PRELID2: variants seen among roughly 807,000 people sequenced by gnomAD.
PRELID2 encodes PRELI domain containing 2, also known as PRELI domain-containing protein 2.
Under a neutral mutation model 28.4 loss-of-function variants are expected in PRELID2, and 25 were observed. The observed-to-expected ratio is 0.88, with a 90% CI of 0.64 to 1.23. The LOEUF is 1.23. Among genes scored for constraint, PRELID2 ranks in the 50% most tolerant of loss-of-function variants. The pLI is 0.00. For missense variants in PRELID2, 201 were observed against 214.4 expected, an observed-to-expected ratio of 0.94 and a Z score of 0.39; for synonymous variants, 76 against 71.6, an observed-to-expected ratio of 1.06 and a Z score of -0.31.
At chr5:145,386,448 T>G in the PRELID2 span, among the ~76,000 whole-genome samples, 1 of 152,006 alleles carries the variant, frequency 6.6e-6, no homozygotes, top group African/African-American at 2.4e-5. Context: ...GATCTGATGG[T>G]TTCATAGGCA....
At chr5:145,421,943 C>A in the PRELID2 span, among the ~76,000 whole-genome samples, 2 of 151,978 alleles carry the variant, frequency 1.3e-5, no homozygotes, top group African/African-American at 4.8e-5. Flanking sequence ...TCTTTGTTCT[C>A]CTTCGTTTCA....
chr5:145,764,228 T>C (rs935537833), intron 6 of PRELID2, among the ~76,000 whole-genome samples: 1 of 152,228 alleles, frequency 6.6e-6, no homozygotes, highest in African/African-American at 2.4e-5. Context: ...CCATTCTCCC[T>C]GATCCAGACA....
rs996762019 is a variant in PRELID2, at chr5:145,614,137, G to A, written n.71-140822C>T. On this transcript the variant is annotated intron_variant and non_coding_transcript_variant, in intron 1 of 2. Coordinates refer to the PRELID2 transcript ENST00000510259. ...GAAGATCAGTTGGCTGTAAGTATTT[G>A]GGTTTATTTCTGGGTTCTCTATTCT... is the stretch of plus-strand genomic sequence containing the variant. Among the ~76,000 whole-genome samples the A allele has an allele frequency of 2.0e-5, 3 of 152,236 alleles. No homozygotes were observed. The South Asian group carries it at 6.2e-4, about 32-fold the overall frequency.
rs550369096 is a variant in PRELID2, at chr5:145,659,361, C to A, written n.70+105570G>T. Among the ~76,000 whole-genome samples the A allele has an allele frequency of 2.0e-5, 3 of 152,288 alleles. No individual in the cohort carries two copies. The East Asian group carries it at 5.8e-4, about 29-fold the overall frequency. On this transcript the variant is annotated intron_variant and non_coding_transcript_variant, in intron 1 of 2. Coordinates refer to the PRELID2 transcript ENST00000510259. ...TTGTCCCCATTTTCCCCTTTTATAC[C>A]CTATGTGTACATTTATTTCACCGTA...
intron 1 of PRELID2, among the ~76,000 whole-genome samples, chr5:145,482,457 A>G (rs1373382597): frequency 6.6e-6 from 1 of 152,174 alleles, no homozygotes; most frequent in Admixed American, 6.5e-5. Flanking sequence ...AGGATACATG[A>G]TATAATAATA....
At chr5:145,498,739 T>G (rs1752329754) in intron 1 of PRELID2, among the ~76,000 whole-genome samples, 1 of 151,980 alleles carries the variant, frequency 6.6e-6, no homozygotes, top group Non-Finnish European at 1.5e-5. Context: ...GTATTTTTAG[T>G]AGAGATAAGG....
chr5:145,810,988 AGGAAAGCGGTTTAAT>A (rs1192482347), intron 4 of PRELID2, among the ~76,000 whole-genome samples: 1 of 150,156 alleles, frequency 6.7e-6, no homozygotes, highest in Non-Finnish European at 1.5e-5. Context: ...TAATTTATAA[AGGAAAGCGGTTTAAT>A]GGACTCACAG....
At chr5:145,374,770 T>C in the PRELID2 span, among the ~76,000 whole-genome samples, 1 of 152,156 alleles carries the variant, frequency 6.6e-6, no homozygotes, top group African/African-American at 2.4e-5. Context: ...ACTTAGTCAA[T>C]TTGGCTTTTG....
the PRELID2 span, chr5:145,381,536 C>T: frequency 1.2e-4 from 19 of 152,136 alleles, no homozygotes; most frequent in African/African-American, 4.3e-4. Context: ...CAGTGGAAAT[C>T]AACAGCCAAA....
At chr5:145,711,106 C>T (rs545695833) in intron 1 of PRELID2, among the ~76,000 whole-genome samples, 1 of 152,218 alleles carries the variant, frequency 6.6e-6, no homozygotes, top group East Asian at 1.9e-4. Flanking sequence ...AGGATCAATA[C>T]CTGCCATCTG....
the PRELID2 span, among the ~76,000 whole-genome samples, chr5:145,374,822 C>G: frequency 6.6e-6 from 1 of 152,262 alleles, no homozygotes; most frequent in East Asian, 1.9e-4. Context: ...CTGTGTTTTT[C>G]AGCTCCATCA....
chr5:145,426,686 G>A, the PRELID2 span, among the ~76,000 whole-genome samples: 1 of 151,950 alleles, frequency 6.6e-6, no homozygotes, highest in Non-Finnish European at 1.5e-5. Flanking sequence ...CTATTTTACA[G>A]GTGAGAAAAC....
At chr5:145,816,364 G>A (rs558736136) in intron 4 of PRELID2, among the ~76,000 whole-genome samples, 5 of 152,018 alleles carry the variant, frequency 3.3e-5, no homozygotes, top group Non-Finnish European at 7.4e-5. Flanking sequence ...TTACAGGCAT[G>A]AGTCACCACG....
the PRELID2 span, among the ~76,000 whole-genome samples, chr5:145,255,713 T>C: frequency 1.3e-5 from 2 of 151,932 alleles, no homozygotes; most frequent in Admixed American, 6.6e-5. Context: ...CCTGGGAAAT[T>C]GAATCTGTAG....
chr5:145,665,179 C>T (rs1754564005), intron 1 of PRELID2, among the ~76,000 whole-genome samples: 1 of 152,074 alleles, frequency 6.6e-6, no homozygotes, highest in Admixed American at 6.6e-5. Flanking sequence ...CTCTACAATA[C>T]AACCTAAGAA....
the PRELID2 span, among the ~76,000 whole-genome samples, chr5:145,427,952 A>ATTTC: frequency 1.3e-5 from 2 of 151,838 alleles, no homozygotes; most frequent in African/African-American, 4.8e-5. Context: ...AAACAGTTCA[A>ATTTC]TTTCTTTCTT....
rs536766692 is a variant in PRELID2 at position 145,817,789 on chromosome 5, G to T, written c.368+105C>A. 6 of 972,186 alleles carry T rather than the reference G, an allele frequency of 6.2e-6. No individual in the cohort carries two copies. In the South Asian group the frequency reaches 2.1e-4, roughly 33 times the overall value. 60.2% of individuals were successfully genotyped at this position (972,186 alleles called of 1,614,324 possible). ...AATTAATAATGTGGAATTTGTATGAGTTATAAACAGTGGTCATAAGTATAG... is the reference window on the plus strand; with the variant it reads ...AATTAATAATGTGGAATTTGTATGATTTATAAACAGTGGTCATAAGTATAG... On this transcript the variant is annotated intron_variant, in intron 4 of 6. Coordinates refer to ENST00000683046, the MANE Select transcript of PRELID2 (RefSeq NM_205846.3).
At chr5:145,514,759 C>T (rs911151147) in intron 1 of PRELID2, among the ~76,000 whole-genome samples, 2 of 151,976 alleles carry the variant, frequency 1.3e-5, no homozygotes, top group Non-Finnish European at 2.9e-5. Flanking sequence ...TAAAACACTC[C>T]TTAGCAAATG....
chr5:145,655,867 A>T (rs1453926994), intron 1 of PRELID2, among the ~76,000 whole-genome samples: 1 of 151,758 alleles, frequency 6.6e-6, no homozygotes, highest in African/African-American at 2.4e-5. Flanking sequence ...AAAACACCAA[A>T]AGCAATGGCA....
Sources: gnomAD v4.1 joint callset for allele counts (sites outside exome capture counted in the v4.1 genomes callset) on GRCh38, gnomAD v4.1.1 for gene constraint, MANE v1.5 for transcripts, NCBI Gene and HGNC (gene_info 2026-07-23, HGNC 2026-07-21) for gene names.